CFAP299: variants seen among roughly 807,000 people sequenced by gnomAD.
CFAP299 encodes the protein cilia and flagella associated protein 299.
In CFAP299, 21 loss-of-function variants were observed where a neutral mutation model predicts 27.0. The observed-to-expected ratio is 0.78, with a 90% CI of 0.55 to 1.12. The LOEUF is 1.12. Among genes scored for constraint, CFAP299 ranks in the 50% most tolerant of loss-of-function variants. The probability of loss-of-function intolerance (pLI) is 0.00; values close to 1 mark genes in which losing one functional copy is unlikely to be tolerated. For missense variants in CFAP299, 310 were observed against 276.6 expected (o/e 1.12, Z -0.86); for synonymous variants, 104 against 98.1 (o/e 1.06, Z -0.36).
chr4:80,329,874 AT>A, the CFAP299 span, among the ~76,000 whole-genome samples: 2 of 152,156 alleles, frequency 1.3e-5, no homozygotes, highest in African/African-American at 4.8e-5. Context: ...GAAGAGCTAA[AT>A]ATATTTCTCA....
chr4:80,483,140 A>G (rs1730648902), intron 2 of CFAP299, among the ~76,000 whole-genome samples: 1 of 152,218 alleles, frequency 6.6e-6, no homozygotes, highest in South Asian at 2.1e-4. Context: ...GGGGCAGAAA[A>G]AGAGGCCAGG....
chr4:80,581,006 T>A (rs1177356224), intron 2 of CFAP299, among the ~76,000 whole-genome samples: 1 of 151,962 alleles, frequency 6.6e-6, no homozygotes, highest in Non-Finnish European at 1.5e-5. Flanking sequence ...TATTGAGAAG[T>A]AATCTCTTGC....
At chr4:80,781,057 A>G (rs1468507364) in intron 3 of CFAP299, among the ~76,000 whole-genome samples, 2 of 151,916 alleles carry the variant, frequency 1.3e-5, no homozygotes, top group Admixed American at 6.6e-5. Flanking sequence ...CATTTTTTAT[A>G]TGTAATCAGG....
intron 3 of CFAP299, among the ~76,000 whole-genome samples, chr4:80,695,191 T>G (rs1455912224): frequency 6.6e-6 from 1 of 152,230 alleles, no homozygotes; most frequent in Admixed American, 6.5e-5. Flanking sequence ...GGATAAAGAT[T>G]TGATACTTTG....
At chr4:80,797,368 T>C (rs1727926441) in intron 3 of CFAP299, among the ~76,000 whole-genome samples, 1 of 152,172 alleles carries the variant, frequency 6.6e-6, no homozygotes, top group Non-Finnish European at 1.5e-5. Context: ...ATTAGTCTTT[T>C]GTTCGTTTGA....
intron 5 of CFAP299, among the ~76,000 whole-genome samples, chr4:80,950,528 G>A (rs576620503): frequency 1.3e-5 from 2 of 152,234 alleles, no homozygotes; most frequent in South Asian, 2.1e-4. Context: ...GGTCTGGAAG[G>A]GTGGGTATGG....
At chr4:80,897,672 T>A (rs1734672862) in intron 4 of CFAP299, among the ~76,000 whole-genome samples, 1 of 152,168 alleles carries the variant, frequency 6.6e-6, no homozygotes, top group Non-Finnish European at 1.5e-5. Flanking sequence ...GAAACATGTT[T>A]CTGCAAGTCA....
intron 5 of CFAP299, among the ~76,000 whole-genome samples, chr4:80,963,235 GACTCAT>G (rs1191817879): frequency 2.0e-5 from 3 of 152,024 alleles, no homozygotes; most frequent in Admixed American, 2.0e-4. Flanking sequence ...TGAAGTTAGT[GACTCAT>G]GGGGTTCAGC....
chr4:80,445,450 C>T (rs1245973462), intron 2 of CFAP299, among the ~76,000 whole-genome samples: 1 of 152,094 alleles, frequency 6.6e-6, no homozygotes, highest in Non-Finnish European at 1.5e-5. Context: ...CACATATTCT[C>T]ACTTATAAGT....
intron 3 of CFAP299, among the ~76,000 whole-genome samples, chr4:80,616,672 C>A (rs1286644186): frequency 6.6e-6 from 1 of 152,014 alleles, no homozygotes; most frequent in East Asian, 1.9e-4. Flanking sequence ...TTTAGATTAA[C>A]CCTCATTATA....
chr4:80,508,542 C>T (rs896509913), intron 2 of CFAP299, among the ~76,000 whole-genome samples: 1 of 152,098 alleles, frequency 6.6e-6, no homozygotes, highest in Non-Finnish European at 1.5e-5. Context: ...ACTTTTTCAG[C>T]TGTAATCAGC....
intron 2 of CFAP299, among the ~76,000 whole-genome samples, chr4:80,553,009 TA>T (rs955707268): frequency 3.3e-4 from 50 of 151,972 alleles, no homozygotes; most frequent in Non-Finnish European, 5.6e-4. Context: ...TTTTTTTTTT[TA>T]AAGTTTTATT....
chr4:80,533,118 A>ACTGTAAT (rs1733557290), intron 2 of CFAP299, among the ~76,000 whole-genome samples: 1 of 152,170 alleles, frequency 6.6e-6, no homozygotes, highest in South Asian at 2.1e-4. Context: ...CCCCTGCTCT[A>ACTGTAAT]CTGTAATCTG....
chr4:80,886,038 T>C (rs2110181043), intron 4 of CFAP299, among the ~76,000 whole-genome samples: 1 of 151,820 alleles, frequency 6.6e-6, no homozygotes, highest in Non-Finnish European at 1.5e-5. Context: ...AGCCCTTGGG[T>C]TTTAAGTGAA....
chr4:80,690,199 G>A (rs555461090), intron 3 of CFAP299, among the ~76,000 whole-genome samples: 2 of 151,162 alleles, frequency 1.3e-5, no homozygotes, highest in African/African-American at 4.9e-5. Flanking sequence ...AGATCTAATA[G>A]ACATCTACAG....
chr4:80,423,701 T>A (rs1386857568), intron 2 of CFAP299, among the ~76,000 whole-genome samples: 1 of 152,240 alleles, frequency 6.6e-6, no homozygotes, highest in Non-Finnish European at 1.5e-5. Flanking sequence ...AGATCTCTCC[T>A]CTGACTTGGT....
At chr4:80,788,778 A>G (rs532551889) in intron 3 of CFAP299, among the ~76,000 whole-genome samples, 18 of 152,196 alleles carry the variant, frequency 1.2e-4, no homozygotes, top group South Asian at 6.2e-4. Flanking sequence ...GCCATTATCC[A>G]TAAAGGGCAA....
intron 3 of CFAP299, among the ~76,000 whole-genome samples, chr4:80,585,828 T>G (rs1172257461): frequency 6.6e-6 from 1 of 152,110 alleles, no homozygotes; most frequent in Non-Finnish European, 1.5e-5. Flanking sequence ...AATAGAAGCC[T>G]GGGATAAATA....
At chr4:80,959,680 G>A (rs140988871) in intron 5 of CFAP299, among the ~76,000 whole-genome samples, 66 of 152,050 alleles carry the variant, frequency 4.3e-4, no homozygotes, top group Admixed American at 8.5e-4. Flanking sequence ...GCACCTCTTT[G>A]CAAAGGTAAA....
Sources: gnomAD v4.1 joint callset for allele counts (sites outside exome capture counted in the v4.1 genomes callset) on GRCh38, gnomAD v4.1.1 for gene constraint, MANE v1.5 for transcripts, NCBI Gene and HGNC (gene_info 2026-07-23, HGNC 2026-07-21) for gene names.